UNC13C: variants seen among roughly 807,000 people sequenced by gnomAD.
The protein encoded by UNC13C is unc-13 homolog C.
UNC13C carries 174 observed loss-of-function variants against 245.4 expected under a neutral mutation model. The ratio of observed to expected loss-of-function variants is 0.71; its 90% CI spans 0.63 to 0.80. UNC13C has a LOEUF of 0.80. UNC13C is among the 30% of genes least tolerant of loss of function. The probability of loss-of-function intolerance (pLI) is 0.00; values close to 1 mark genes in which losing one functional copy is unlikely to be tolerated. For missense variants in UNC13C, 2,829 were observed against 2,602.9 expected (o/e 1.09, Z -1.89); for synonymous variants, 992 against 895.1 (o/e 1.11, Z -1.93).
chr15:54,237,652 G>A lies in UNC13C; in HGVS notation c.3190G>A (p.Ala1064Thr). 6.2e-7 allele frequency: 1 copy of A among 1,612,376 alleles called. No homozygotes were observed. Among genetic ancestry groups the A allele is most frequent in the Non-Finnish European group, 8.5e-7 (1 of 1,179,392 alleles). Residue 1064 changes from alanine to threonine, a missense_variant, in exon 7 of 33, where the codon GCT becomes ACT. Transcript: ENST00000260323. ...TGCCCGGAAATCTGGACTCTCCCTG[G>A]CTATGGTGATTAGGACATCCCTAAA... ...LAARKSGLSL[A>T]MVIRTSLNNE...
At chr15:54,449,603 C>T (rs1009107813) in intron 19 of UNC13C, among the ~76,000 whole-genome samples, 9 of 152,178 alleles carry the variant, frequency 5.9e-5, no homozygotes, top group Non-Finnish European at 8.8e-5. Context: ...ACATAGTTCT[C>T]GAGCCATGGT....
Position 53,995,773 on chromosome 15 carries a change from A to C in UNC13C, c.-257+16846A>C, listed in dbSNP as rs183787865. On this transcript the variant is annotated intron_variant, in intron 1 of 32. Transcript: ENST00000260323. ...TTCAGATGCAGTGATAGGTTGGAGA[A>C]GATTAAGATTTTATACAAATACTTT... Among the ~76,000 whole-genome samples, 276 of 152,266 alleles carry C rather than the reference A, an allele frequency of 1.8e-3. 1 individual carries two copies. Among genetic ancestry groups the C allele is most frequent in the African/African-American group, 6.6e-3 (274 of 41,568 alleles).
chr15:54,454,596 C>T (rs1891372201), intron 19 of UNC13C, among the ~76,000 whole-genome samples: 1 of 151,720 alleles, frequency 6.6e-6, no homozygotes, highest in Admixed American at 6.6e-5. Flanking sequence ...CAATAACTCC[C>T]CATGCCCTTC....
intron 7 of UNC13C, among the ~76,000 whole-genome samples, chr15:54,240,182 T>C (rs1440183337): frequency 6.6e-6 from 1 of 152,124 alleles, no homozygotes; most frequent in African/African-American, 2.4e-5. Flanking sequence ...TGTGTTGGTG[T>C]TGAATGGATG....
At chr15:54,536,930 A>T (rs2141158795) in intron 26 of UNC13C, among the ~76,000 whole-genome samples, 1 of 152,280 alleles carries the variant, frequency 6.6e-6, no homozygotes, top group East Asian at 1.9e-4. Flanking sequence ...CAAGACAAGG[A>T]TGCTCACTCT....
the UNC13C span, among the ~76,000 whole-genome samples, chr15:53,861,415 A>T: frequency 6.6e-6 from 1 of 151,990 alleles, no homozygotes; most frequent in Non-Finnish European, 1.5e-5. Flanking sequence ...ACTCAACTCC[A>T]TATTTTTTGC....
At chr15:54,596,252 T>G (rs1391223620) in intron 30 of UNC13C, among the ~76,000 whole-genome samples, 1 of 152,210 alleles carries the variant, frequency 6.6e-6, no homozygotes, top group Non-Finnish European at 1.5e-5. Context: ...TGGGTGTTTT[T>G]TCTACCAAAA....
chr15:54,160,809 A>G (rs925687974), intron 4 of UNC13C, among the ~76,000 whole-genome samples: 4 of 152,180 alleles, frequency 2.6e-5, no homozygotes, highest in African/African-American at 9.7e-5. Context: ...GGTCATTAGT[A>G]ATTGTTTCTG....
intron 30 of UNC13C, among the ~76,000 whole-genome samples, chr15:54,621,652 T>G (rs1183762120): frequency 6.6e-6 from 1 of 152,170 alleles, no homozygotes; most frequent in Non-Finnish European, 1.5e-5. Context: ...GAGGTTGGTG[T>G]TATCCTCATT....
At chr15:54,540,139 G>A (rs1452910167) in intron 26 of UNC13C, among the ~76,000 whole-genome samples, 1 of 152,016 alleles carries the variant, frequency 6.6e-6, no homozygotes, top group African/African-American at 2.4e-5. Context: ...GGAGCTAATA[G>A]TTTAGGAGGA....
At chr15:54,514,150 A>T (rs1257478179) in intron 24 of UNC13C, among the ~76,000 whole-genome samples, 1 of 152,222 alleles carries the variant, frequency 6.6e-6, no homozygotes, top group Non-Finnish European at 1.5e-5. Context: ...ACATGGCAGT[A>T]TCTAAATGGT....
At chr15:53,876,360 T>C in the UNC13C span, among the ~76,000 whole-genome samples, 1 of 152,168 alleles carries the variant, frequency 6.6e-6, no homozygotes, top group Admixed American at 6.5e-5. Flanking sequence ...CTCATTTCAA[T>C]ATTATATTTA....
At chr15:54,049,235 T>C in intron 2 of UNC13C, 1 of 510,250 alleles carries the variant, frequency 2.0e-6, no homozygotes, top group South Asian at 1.6e-5. Flanking sequence ...ATGGTATCAT[T>C]ACTCAGAGAC....
At chr15:54,560,899 G>A (rs1454378478) in intron 29 of UNC13C, among the ~76,000 whole-genome samples, 3 of 151,890 alleles carry the variant, frequency 2.0e-5, no homozygotes, top group South Asian at 2.1e-4. Context: ...TATAGAAAAC[G>A]CTTCACAAAT....
At chr15:54,121,662 T>C (rs1308216508) in intron 2 of UNC13C, among the ~76,000 whole-genome samples, 1 of 152,138 alleles carries the variant, frequency 6.6e-6, no homozygotes, top group Non-Finnish European at 1.5e-5. Context: ...TTTGCTTGAC[T>C]ATTTTTGTAG....
intron 2 of UNC13C, among the ~76,000 whole-genome samples, chr15:54,053,028 C>G (rs1394510534): frequency 6.6e-6 from 1 of 152,230 alleles, no homozygotes; most frequent in Middle Eastern, 3.4e-3. Context: ...GAGTCTGACT[C>G]TGTTGCCCAG....
intron 4 of UNC13C, among the ~76,000 whole-genome samples, chr15:54,212,540 C>T (rs894571092): frequency 2.1e-4 from 32 of 152,036 alleles, no homozygotes; most frequent in African/African-American, 6.8e-4. Context: ...TACACAATAC[C>T]GTGCTCCTTG....
chr15:54,522,523 C>T (rs1049211699), intron 24 of UNC13C, among the ~76,000 whole-genome samples: 3 of 151,938 alleles, frequency 2.0e-5, no homozygotes, highest in Non-Finnish European at 4.4e-5. Context: ...AAAAGTCTTG[C>T]CTACTAGCTG....
intron 2 of UNC13C, among the ~76,000 whole-genome samples, chr15:54,126,237 T>A (rs2031029522): frequency 6.6e-6 from 1 of 152,122 alleles, no homozygotes; most frequent in Admixed American, 6.5e-5. Context: ...CATAAGGAAC[T>A]TAATCCAAAT....
Sources: allele counts gnomAD v4.1 joint callset (sites outside exome capture counted in the v4.1 genomes callset), GRCh38; gene constraint gnomAD v4.1.1; transcripts MANE v1.5; gene names NCBI Gene and HGNC (gene_info 2026-07-23, HGNC 2026-07-21).